FER: variants seen among roughly 807,000 people sequenced by gnomAD.
The protein encoded by FER is tyrosine-protein kinase Fer.
FER carries 63 observed loss-of-function variants against 111.0 expected under a neutral mutation model. The ratio of observed to expected loss-of-function variants is 0.57; its 90% confidence interval spans 0.46 to 0.70. The LOEUF (loss-of-function observed/expected upper bound fraction) is 0.70. Ranked by LOEUF, FER falls within the 30% of genes least tolerant of loss-of-function variation. FER has a pLI of 0.00. For missense variants in FER, 914 were observed against 954.0 expected (o/e 0.96, Z 0.55); for synonymous variants, 327 against 313.9 (o/e 1.04, Z -0.44).
At chr5:108,784,745 AG>A (rs1271424700) in intron 2 of FER, among the ~76,000 whole-genome samples, 1 of 152,228 alleles carries the variant, frequency 6.6e-6, no homozygotes, top group Non-Finnish European at 1.5e-5. Context: ...GCTGAAACAA[AG>A]GGATGGGCTC....
chr5:109,058,627 T>C (rs1773944388), intron 16 of FER, among the ~76,000 whole-genome samples: 2 of 151,628 alleles, frequency 1.3e-5, no homozygotes. Context: ...AAGTTATATA[T>C]AACTTTCTAA....
intron 17 of FER, among the ~76,000 whole-genome samples, chr5:109,129,314 T>G (rs924315461): frequency 6.6e-6 from 1 of 152,076 alleles, no homozygotes; most frequent in African/African-American, 2.4e-5. Context: ...TTTAAGAGTT[T>G]CGTGTCACAA....
At chr5:108,860,515 C>T (rs1362120057) in intron 5 of FER, among the ~76,000 whole-genome samples, 1 of 152,174 alleles carries the variant, frequency 6.6e-6, no homozygotes, top group East Asian at 1.9e-4. Flanking sequence ...GACTTTTTAA[C>T]ATTGTTCTTG....
At chr5:108,968,244 G>T (rs1170463661) in intron 13 of FER, among the ~76,000 whole-genome samples, 1 of 152,098 alleles carries the variant, frequency 6.6e-6, no homozygotes, top group Non-Finnish European at 1.5e-5. Context: ...AAAATTAGCT[G>T]GGCCTGGTGG....
chr5:108,916,530 G>T (rs11955321), intron 10 of FER, among the ~76,000 whole-genome samples: 1 of 151,900 alleles, frequency 6.6e-6, no homozygotes, highest in Non-Finnish European at 1.5e-5. Flanking sequence ...ATAGACTTGC[G>T]TTATATATAT....
At chr5:108,864,023 C>T (rs1218572829) in intron 5 of FER, among the ~76,000 whole-genome samples, 1 of 152,088 alleles carries the variant, frequency 6.6e-6, no homozygotes, top group African/African-American at 2.4e-5. Context: ...TAGAGATACT[C>T]AGGTGAAAAG....
chr5:108,967,036 G>A (rs947911622), intron 13 of FER, among the ~76,000 whole-genome samples: 3 of 152,080 alleles, frequency 2.0e-5, no homozygotes, highest in Non-Finnish European at 2.9e-5. Context: ...TGTAAGCCAC[G>A]GACCTTCAGC....
At chr5:108,811,760 G>A (rs952897377) in intron 3 of FER, among the ~76,000 whole-genome samples, 4 of 152,190 alleles carry the variant, frequency 2.6e-5, no homozygotes, top group Non-Finnish European at 4.4e-5. Context: ...GGTACCTCCT[G>A]TGTAAATCCC....
At chr5:108,883,763 A>G (rs950382470) in intron 9 of FER, among the ~76,000 whole-genome samples, 12 of 152,132 alleles carry the variant, frequency 7.9e-5, no homozygotes, top group African/African-American at 2.9e-4. Flanking sequence ...ATATGTCTCA[A>G]TGTTTTAACA....
intron 17 of FER, among the ~76,000 whole-genome samples, chr5:109,104,699 C>T (rs1479653817): frequency 6.6e-6 from 1 of 152,034 alleles, no homozygotes; most frequent in Non-Finnish European, 1.5e-5. Flanking sequence ...TTTACAAAAC[C>T]CTAAAAAATG....
chr5:108,834,884 G>A (rs1760451136), intron 4 of FER, among the ~76,000 whole-genome samples: 1 of 151,934 alleles, frequency 6.6e-6, no homozygotes, highest in Non-Finnish European at 1.5e-5. Context: ...TCTTTAAAAG[G>A]GGTTTGAGAT....
chr5:108,906,748 T>G (rs1326603156), intron 10 of FER, among the ~76,000 whole-genome samples: 36 of 152,052 alleles, frequency 2.4e-4, no homozygotes, highest in Non-Finnish European at 2.9e-5. Context: ...TTAAGATTAT[T>G]CATTACTAAA....
intron 10 of FER, among the ~76,000 whole-genome samples, chr5:108,903,629 A>G (rs1054494811): frequency 6.6e-6 from 1 of 152,248 alleles, no homozygotes; most frequent in Non-Finnish European, 1.5e-5. Context: ...CTGAAATGAG[A>G]TAATGTGTAT....
intron 1 of FER, among the ~76,000 whole-genome samples, chr5:108,765,913 A>C (rs1237754468): frequency 2.6e-5 from 4 of 152,106 alleles, no homozygotes; most frequent in Non-Finnish European, 5.9e-5. Flanking sequence ...AAAGCAGTCA[A>C]AAGTGAAGTC....
At chr5:108,956,491 G>C (rs932660269) in intron 12 of FER, among the ~76,000 whole-genome samples, 4 of 151,476 alleles carry the variant, frequency 2.6e-5, no homozygotes, top group African/African-American at 9.7e-5. Flanking sequence ...AAAAGGAAAG[G>C]GTCAGTGTGC....
chr5:109,133,247 A>T (rs1031967058), intron 17 of FER, among the ~76,000 whole-genome samples: 43 of 152,148 alleles, frequency 2.8e-4, no homozygotes, highest in Non-Finnish European at 7.4e-5. Context: ...TTCCTTTTAG[A>T]GGAGAGAAAC....
At chr5:108,955,670 C>A (rs77995228) in intron 12 of FER, among the ~76,000 whole-genome samples, 7,133 of 151,758 alleles carry the variant, frequency 0.047, 232 homozygotes, top group Non-Finnish European at 0.068. Flanking sequence ...GTTTTCCATT[C>A]CCATCATTTC....
rs147266994 is a variant in FER at position 109,075,666 on chromosome 5, A to G, written c.1925-24730A>G. Among the ~76,000 whole-genome samples, 615 of 151,624 alleles carry G rather than the reference A, an allele frequency of 4.1e-3. 5 individuals are homozygous for G. The highest frequency in any genetic ancestry group is 0.014 in the African/African-American group (572 of 41,326). ...TCTCAATCTCCTGACCTCGTGATCC[A>G]CCCTCCTTGGCCTCCCAAAGTGCTG... On this transcript the variant is annotated intron_variant, in intron 16 of 19. Transcript: ENST00000281092.
chr5:109,125,646 T>C (rs1038689836), intron 17 of FER, among the ~76,000 whole-genome samples: 20 of 152,234 alleles, frequency 1.3e-4, no homozygotes, highest in African/African-American at 4.1e-4. Context: ...TTAATCATTC[T>C]GTAAATGTGA....
Sources: gnomAD v4.1 joint callset for allele counts (sites outside exome capture counted in the v4.1 genomes callset) on GRCh38, gnomAD v4.1.1 for gene constraint, MANE v1.5 for transcripts, NCBI Gene and HGNC (gene_info 2026-07-23, HGNC 2026-07-21) for gene names.